Variants in CA10 observed in about 807,000 individuals in gnomAD.
CA10 encodes carbonic anhydrase-related protein 10.
In CA10, 14 loss-of-function variants were observed where a neutral mutation model predicts 44.2. The observed-to-expected ratio is 0.32, with a 90% CI of 0.21 to 0.50. The LOEUF (loss-of-function observed/expected upper bound fraction) is 0.50, where lower values mean the gene tolerates loss of function less well. Ranked by LOEUF, CA10 falls within the 20% of genes least tolerant of loss-of-function variation. The probability of loss-of-function intolerance (pLI) is 0.99; values close to 1 mark genes in which losing one functional copy is unlikely to be tolerated. For synonymous variants in CA10, 159 were observed against 141.6 expected, an observed-to-expected ratio of 1.12 and a Z score of -0.87; for missense variants, 350 against 409.7, an observed-to-expected ratio of 0.85 and a Z score of 1.26.
chr17:52,069,858 C>A (rs993823813), intron 2 of CA10, among the ~76,000 whole-genome samples: 1 of 152,160 alleles, frequency 6.6e-6, no homozygotes, highest in Non-Finnish European at 1.5e-5. Context: ...CAGTGAGGAA[C>A]TTATGGGACG....
intron 2 of CA10, among the ~76,000 whole-genome samples, chr17:51,974,402 A>C (rs935061905): frequency 6.6e-6 from 1 of 151,380 alleles, no homozygotes; most frequent in Non-Finnish European, 1.5e-5. Flanking sequence ...AAAAAAACAA[A>C]AACAAAAGGA....
intron 3 of CA10, among the ~76,000 whole-genome samples, chr17:51,898,019 A>G (rs1300259900): frequency 6.6e-6 from 1 of 152,160 alleles, no homozygotes; most frequent in African/African-American, 2.4e-5. Context: ...AAACAGAGAT[A>G]GTTGGACTTA....
intron 1 of CA10, among the ~76,000 whole-genome samples, chr17:52,083,669 CTTTCTG>C (rs1303742629): frequency 6.6e-6 from 1 of 152,084 alleles, no homozygotes; most frequent in Non-Finnish European, 1.5e-5. Context: ...TGATATTTGA[CTTTCTG>C]TTTCTGAGTT....
chr17:51,791,674 C>T (rs779076850), intron 3 of CA10, among the ~76,000 whole-genome samples: 15 of 152,110 alleles, frequency 9.9e-5, no homozygotes, highest in South Asian at 6.2e-4. Context: ...TTCACTGTGG[C>T]GCCACCAACT....
At chr17:51,800,236 G>C (rs1906872727) in intron 3 of CA10, among the ~76,000 whole-genome samples, 1 of 152,058 alleles carries the variant, frequency 6.6e-6, no homozygotes, top group South Asian at 2.1e-4. Context: ...GTTAAATGCA[G>C]GAAAACAGAC....
chr17:52,157,525 A>AACC (rs1427732410), intron 1 of CA10, among the ~76,000 whole-genome samples: 44 of 126,122 alleles, frequency 3.5e-4, no homozygotes, highest in African/African-American at 1.4e-3. Context: ...CACAGATCCT[A>AACC]ACCACCCCCC....
At chr17:51,634,281 T>G (rs574591147) in intron 7 of CA10, among the ~76,000 whole-genome samples, 64 of 152,358 alleles carry the variant, frequency 4.2e-4, no homozygotes, top group Middle Eastern at 3.4e-3. Context: ...TTAAATTCTC[T>G]AAGATGCCCT....
At chr17:52,047,512 A>T (rs1986945209) in intron 2 of CA10, among the ~76,000 whole-genome samples, 2 of 151,936 alleles carry the variant, frequency 1.3e-5, no homozygotes, top group South Asian at 4.1e-4. Flanking sequence ...TAGACTATAA[A>T]CTCTCAACAT....
chr17:51,664,021 G>T (rs1171770564), intron 4 of CA10, among the ~76,000 whole-genome samples: 3 of 152,170 alleles, frequency 2.0e-5, no homozygotes, highest in East Asian at 3.9e-4. Flanking sequence ...CTATTTCTGT[G>T]GAAGAGTTTG....
chr17:51,687,397 C>T (rs551306703), intron 4 of CA10, among the ~76,000 whole-genome samples: 11 of 152,284 alleles, frequency 7.2e-5, no homozygotes, highest in East Asian at 3.9e-4. Context: ...GTAAATTCCA[C>T]GAAACAGGGA....
At chr17:51,798,308 G>T (rs533541146) in intron 3 of CA10, among the ~76,000 whole-genome samples, 80 of 152,342 alleles carry the variant, frequency 5.3e-4, no homozygotes, top group African/African-American at 1.6e-3. Flanking sequence ...AAGCTTTAGA[G>T]ATCAGCCTCT....
intron 3 of CA10, among the ~76,000 whole-genome samples, chr17:51,927,134 C>A (rs1490162052): frequency 6.6e-6 from 1 of 152,044 alleles, no homozygotes; most frequent in Non-Finnish European, 1.5e-5. Context: ...ATACTTAGAT[C>A]CTACTTCTTA....
intron 3 of CA10, among the ~76,000 whole-genome samples, chr17:51,790,706 T>C (rs916787600): frequency 2.0e-5 from 3 of 152,194 alleles, no homozygotes; most frequent in African/African-American, 7.2e-5. Context: ...TAGTCTCAAA[T>C]TCATTCTGTT....
At chr17:51,824,949 G>T (rs1036324887) in intron 3 of CA10, among the ~76,000 whole-genome samples, 1 of 152,174 alleles carries the variant, frequency 6.6e-6, no homozygotes, top group Non-Finnish European at 1.5e-5. Context: ...CCGCTGGTTC[G>T]GTTTGTTAGT....
intron 4 of CA10, among the ~76,000 whole-genome samples, chr17:51,709,300 A>T (rs1915859278): frequency 6.6e-6 from 1 of 152,240 alleles, no homozygotes; most frequent in South Asian, 2.1e-4. Context: ...TAGAAAAGAT[A>T]ACTTCAGAGA....
intron 6 of CA10, among the ~76,000 whole-genome samples, chr17:51,648,678 C>G (rs1026757190): frequency 3.9e-5 from 6 of 152,174 alleles, no homozygotes; most frequent in Non-Finnish European, 8.8e-5. Context: ...CCCAAGGAAA[C>G]TGGACAGAGT....
chr17:52,002,512 T>C (rs978984300), intron 2 of CA10, among the ~76,000 whole-genome samples: 5 of 151,978 alleles, frequency 3.3e-5, no homozygotes, highest in African/African-American at 7.2e-5. Context: ...AGAAAAAAAG[T>C]CCAATGTCTA....
chr17:52,019,340 C>T (rs1986065585), intron 2 of CA10, among the ~76,000 whole-genome samples: 2 of 151,952 alleles, frequency 1.3e-5, no homozygotes, highest in Admixed American at 6.6e-5. Flanking sequence ...ATAGTGTAGC[C>T]ATTTACATTA....
rs775761105 is a variant in CA10 at position 51,786,206 on chromosome 17, T to TTGTGTG, written c.280-38394_280-38389dup. Among the ~76,000 whole-genome samples the TTGTGTG allele has an allele frequency of 3.5e-3, 435 of 123,822 alleles. 2 individuals carry two copies. The highest frequency in any genetic ancestry group is 9.3e-3 in the East Asian group (36 of 3,888). 81.2% of individuals were successfully genotyped at this position (123,822 alleles called of 152,430 possible). ...GATTTTTTAATGCGTTCTAACATCT[T>TTGTGTG]TGTGTGTCTGTGTGTGTGTGTGTGT... is the stretch of plus-strand genomic sequence containing the variant. On this transcript the variant is annotated intron_variant, in intron 3 of 8. Transcript: ENST00000451037.
Sources: allele counts gnomAD v4.1 joint callset (sites outside exome capture counted in the v4.1 genomes callset), GRCh38; gene constraint gnomAD v4.1.1; transcripts MANE v1.5; gene names NCBI Gene and HGNC (gene_info 2026-07-23, HGNC 2026-07-21).